Variants in AGAP1 observed in about 807,000 individuals in gnomAD.
AGAP1 encodes the protein arf-GAP with GTPase, ANK repeat and PH domain-containing protein 1.
AGAP1 carries 29 observed loss-of-function variants against 105.3 expected under a neutral mutation model. The ratio of observed to expected loss-of-function variants is 0.28; its 90% CI spans 0.21 to 0.38. AGAP1 has a LOEUF of 0.38. Among genes scored for constraint, AGAP1 ranks in the 10% least tolerant of loss-of-function variants. AGAP1 has a pLI of 1.00. For missense variants in AGAP1, 998 were observed against 1,165.1 expected (o/e 0.86, Z 2.09); for synonymous variants, 509 against 485.9 (o/e 1.05, Z -0.63).
At chr2:236,048,176 A>G (rs1264997990) in intron 15 of AGAP1, among the ~76,000 whole-genome samples, 1 of 152,196 alleles carries the variant, frequency 6.6e-6, no homozygotes, top group Non-Finnish European at 1.5e-5. Flanking sequence ...GCCAGTGACT[A>G]TCAAGGTCAA....
chr2:236,018,005 C>T (rs193146001), intron 13 of AGAP1, among the ~76,000 whole-genome samples: 1 of 152,166 alleles, frequency 6.6e-6, no homozygotes, highest in African/African-American at 2.4e-5. Flanking sequence ...ACAAAACTTA[C>T]AAGGGAAACG....
intron 9 of AGAP1, among the ~76,000 whole-genome samples, chr2:235,837,608 T>A (rs1960318293): frequency 6.6e-6 from 1 of 152,136 alleles, no homozygotes; most frequent in African/African-American, 2.4e-5. Flanking sequence ...GGGTTGTTGG[T>A]GGATTAATAA....
intron 3 of AGAP1, among the ~76,000 whole-genome samples, chr2:235,738,558 T>C (rs1251063787): frequency 6.6e-6 from 1 of 151,150 alleles, no homozygotes; most frequent in African/African-American, 2.4e-5. Context: ...TTTCTTTCTT[T>C]CTTTCTTTTT....
intron 16 of AGAP1, among the ~76,000 whole-genome samples, chr2:236,088,336 A>G (rs2058981013): frequency 1.3e-5 from 2 of 152,262 alleles, no homozygotes; most frequent in Non-Finnish European, 2.9e-5. Flanking sequence ...AGATAGCTCC[A>G]GCTCTGCTGG....
intron 9 of AGAP1, among the ~76,000 whole-genome samples, chr2:235,831,852 G>A (rs550859413): frequency 2.0e-5 from 3 of 152,296 alleles, no homozygotes; most frequent in South Asian, 2.1e-4. Context: ...TAGATTGTAT[G>A]GTAAGAATGT....
intron 1 of AGAP1, among the ~76,000 whole-genome samples, chr2:235,591,200 G>C (rs577327505): frequency 6.6e-6 from 1 of 152,186 alleles, no homozygotes; most frequent in Non-Finnish European, 1.5e-5. Context: ...ATTTTTAGTA[G>C]AGATGGGGTT....
chr2:235,835,491 T>C (rs1010487238), intron 9 of AGAP1, among the ~76,000 whole-genome samples: 1 of 152,260 alleles, frequency 6.6e-6, no homozygotes, highest in African/African-American at 2.4e-5. Context: ...AGCCCCTCTC[T>C]TGTGTAACCA....
chr2:235,791,442 G>T (rs1488932095), intron 6 of AGAP1, among the ~76,000 whole-genome samples: 1 of 152,118 alleles, frequency 6.6e-6, no homozygotes, highest in Non-Finnish European at 1.5e-5. Flanking sequence ...TGTAGGGGCG[G>T]GGGATGGATT....
At chr2:235,942,403 C>T (rs2053302100) in intron 12 of AGAP1, among the ~76,000 whole-genome samples, 1 of 152,138 alleles carries the variant, frequency 6.6e-6, no homozygotes, top group Non-Finnish European at 1.5e-5. Context: ...TTAGGCTGGG[C>T]GTGGTGGCTC....
chr2:235,707,035 A>G (rs1435090693), intron 1 of AGAP1, among the ~76,000 whole-genome samples: 3 of 152,202 alleles, frequency 2.0e-5, no homozygotes, highest in African/African-American at 7.2e-5. Context: ...GTCCACGGGT[A>G]ATGTTTGTCT....
chr2:235,771,557 T>G (rs1470734583), intron 6 of AGAP1, among the ~76,000 whole-genome samples: 2 of 152,304 alleles, frequency 1.3e-5, no homozygotes, highest in East Asian at 3.9e-4. Flanking sequence ...TTCACGTGAC[T>G]TGAGAGCTCC....
Position 235,790,430 on chromosome 2 carries a change from C to T in AGAP1, c.674-7329C>T, listed in dbSNP as rs1056908140. On this transcript the variant is annotated intron_variant, in intron 6 of 17. Transcript: ENST00000304032. The stretch of plus-strand genomic sequence containing the variant: ...ACCGCTGGAACCAGGCTGCTGAGTT[C>T]AGCCCCTGAGGCTCTTTCCCAGCCC... Among the ~76,000 whole-genome samples, 49 of 152,142 alleles carry T rather than the reference C, an allele frequency of 3.2e-4. 1 individual carries two copies. Among genetic ancestry groups the T allele is most frequent in the African/African-American group, 8.9e-4 (37 of 41,442 alleles).
At chr2:235,548,272 C>G (rs148006544) in intron 1 of AGAP1, among the ~76,000 whole-genome samples, 1 of 152,336 alleles carries the variant, frequency 6.6e-6, no homozygotes, top group Non-Finnish European at 1.5e-5. Flanking sequence ...GTAAAATGCA[C>G]TGCAGGCTGG....
At chr2:235,670,477 C>G (rs1358408115) in intron 1 of AGAP1, 1 of 520,146 alleles carries the variant, frequency 1.9e-6, no homozygotes, top group East Asian at 3.7e-5. Flanking sequence ...GCGCCCCGGC[C>G]GAGGAGGAGG....
In AGAP1 at chr2:235,725,625, A is replaced by G. The variant is rs1019392868; in HGVS notation, c.310+7981A>G. On this transcript the variant is annotated intron_variant, in intron 3 of 17. Coordinates refer to ENST00000304032, the MANE Select transcript of AGAP1 (RefSeq NM_001037131.3). This position sits in a 1 kb window ranked among gnomAD's most constrained non-coding sequence, Gnocchi z 5.7. ...GTTGCAACCAAGTGATTATAAACAC[A>G]TGATAATTTTTTAATGAGAATTATC... Among the ~76,000 whole-genome samples the G allele has an allele frequency of 1.3e-5, 2 of 152,236 alleles. No homozygotes were observed. The highest frequency in any genetic ancestry group is 6.5e-5 in the Admixed American group (1 of 15,286).
At chr2:235,774,869 C>T (rs1189622750) in intron 6 of AGAP1, among the ~76,000 whole-genome samples, 3 of 152,172 alleles carry the variant, frequency 2.0e-5, no homozygotes, top group African/African-American at 7.2e-5. Flanking sequence ...TGCATTCACT[C>T]GCCCATTCAT....
rs1025975594 is a variant in AGAP1, at chr2:235,883,736, CAG to C, written c.1155+288_1155+289del. On this transcript the variant is annotated intron_variant, in intron 10 of 17. Transcript: ENST00000304032. The surrounding 1 kb of genome is among the most constrained non-coding windows in gnomAD (Gnocchi z 4.5). ...AAAATTTTAGATGAGAGTAAAAAGACAGGGGCAAGGAGAAAAGAGAAAGGAGA... is the reference window on the plus strand; with the variant it reads ...AAAATTTTAGATGAGAGTAAAAAGACGGGCAAGGAGAAAAGAGAAAGGAGA... Among the ~76,000 whole-genome samples, 4 of 152,004 alleles carry C rather than the reference CAG, an allele frequency of 2.6e-5. No homozygotes were observed. Among genetic ancestry groups the C allele is most frequent in the Non-Finnish European group, 5.9e-5 (4 of 68,002 alleles).
intron 9 of AGAP1, among the ~76,000 whole-genome samples, chr2:235,835,240 A>C (rs1349058784): frequency 1.3e-5 from 2 of 152,148 alleles, no homozygotes; most frequent in South Asian, 2.1e-4. Flanking sequence ...GTGGCTCCCC[A>C]TGGCCTGCAC....
intron 13 of AGAP1, among the ~76,000 whole-genome samples, chr2:235,978,894 C>A (rs1435707251): frequency 6.6e-6 from 1 of 151,998 alleles, no homozygotes; most frequent in Non-Finnish European, 1.5e-5. Context: ...AGTGCATGCA[C>A]ACTCTGATAC....
Sources: gnomAD v4.1 joint callset for allele counts (sites outside exome capture counted in the v4.1 genomes callset) on GRCh38, gnomAD v4.1.1 for gene constraint, Gnocchi (gnomAD v3.1) non-coding constraint, MANE v1.5 for transcripts, NCBI Gene and HGNC (gene_info 2026-07-23, HGNC 2026-07-21) for gene names.